ZFP91: variants seen among roughly 807,000 people sequenced by gnomAD.
The protein encoded by ZFP91 is ZFP91 zinc finger protein, atypical E3 ubiquitin ligase.
In ZFP91, 7 loss-of-function variants were observed where a neutral mutation model predicts 63.5. The observed-to-expected ratio is 0.11, with a 90% CI of 0.06 to 0.21. The LOEUF is 0.21. ZFP91 is among the 10% of genes least tolerant of loss of function. The probability of loss-of-function intolerance (pLI) is 1.00; values close to 1 mark genes in which losing one functional copy is unlikely to be tolerated. For missense variants in ZFP91, 628 were observed against 736.6 expected (o/e 0.85, Z 1.71); for synonymous variants, 330 against 272.1 (o/e 1.21, Z -2.10).
chr11:58,599,825 GTGT>G (rs1855464090), intron 2 of ZFP91, among the ~76,000 whole-genome samples: 1 of 151,988 alleles, frequency 6.6e-6, no homozygotes, highest in Non-Finnish European at 1.5e-5. Flanking sequence ...GCTAGCTCCT[GTGT>G]TTAGGTCTTT....
Position 58,621,535 on chromosome 11 carries a change from TTTGC to T in ZFP91, c.*3832_*3835del, listed in dbSNP as rs1855852491. ...CCCATTTATTGTTTACTTTTATAAA[TTTGC>T]TTCTAAGATGGTATGTGTTTCAGCT... On this transcript the variant is annotated 3_prime_UTR_variant, in exon 11 of 11. Coordinates refer to ENST00000316059, the MANE Select transcript of ZFP91 (RefSeq NM_053023.5). Among the ~76,000 whole-genome samples the T allele has an allele frequency of 6.6e-6, 1 of 152,212 alleles. No individual in the cohort carries two copies. The highest frequency in any genetic ancestry group is 1.5e-5 in the Non-Finnish European group (1 of 68,026).
In ZFP91 at chr11:58,584,860, A is replaced by G. The variant is rs1855178124; in HGVS notation, c.346A>G (p.Ile116Val). Residue 116 changes from isoleucine to valine, a missense_variant, in exon 2 of 11, where the codon ATA (isoleucine) becomes GTA (valine). Physicochemically the swap from Ile to Val is conservative, Grantham distance 29 (BLOSUM62 3). Coordinates refer to ENST00000316059, the MANE Select transcript of ZFP91 (RefSeq NM_053023.5). ...TTTGATTCTTATTTCTTTCAGATGC[A>G]TAGAAAAAGTAACAACTGATAAAGG... is the stretch of plus-strand genomic sequence containing the variant. ...QGKKSPRLLC[I>V]EKVTTDKDPK... 1.3e-6 allele frequency: 2 copies of G among 1,530,644 alleles called. No individual in the cohort carries two copies. The highest frequency in any genetic ancestry group is 1.3e-5 in the South Asian group (1 of 75,548). The allele number at this position is 1,530,644 out of a possible 1,614,324, so 94.8% of individuals were successfully genotyped here.
intron 2 of ZFP91, among the ~76,000 whole-genome samples, chr11:58,599,047 C>T (rs954534064): frequency 6.6e-6 from 1 of 152,024 alleles, no homozygotes; most frequent in African/African-American, 2.4e-5. Context: ...TAATTGGAAT[C>T]ATACAATATG....
chr11:58,618,523 T>G lies in ZFP91; in HGVS notation c.*817T>G, dbSNP rs1855791225. On this transcript the variant is annotated 3_prime_UTR_variant, in exon 11 of 11. Coordinates refer to ENST00000316059, the MANE Select transcript of ZFP91 (RefSeq NM_053023.5). ...GGCAGAAATTTGCACTTTGAACATG[T>G]GTGTTTTTGTGTTGTGGAACCTGAG... The G allele has an allele frequency of 2.6e-6, 1 of 382,074 alleles. No individual in the cohort carries two copies. Among genetic ancestry groups the G allele is most frequent in the Non-Finnish European group, 5.1e-6 (1 of 197,064 alleles). The allele number at this position is 382,074 out of a possible 1,614,324, so 23.7% of individuals were successfully genotyped here.
Position 58,614,303 on chromosome 11 carries a change from G to C in ZFP91, c.1062G>C (p.Arg354Ser). 1 of 1,611,942 alleles carries C rather than the reference G, an allele frequency of 6.2e-7. No individual in the cohort carries two copies. The highest frequency in any genetic ancestry group is 1.1e-5 in the South Asian group (1 of 90,674). The part of the protein sequence containing the change: ...CPHPSCGRLF[R>S]LQKQLLRHAK... ...ATCCCTCCTGTGGACGACTCTTCAG[G>C]CTTCAGAAGCAACTTCTGCGACATG... Residue 354 changes from arginine to serine, a missense_variant, in exon 9 of 11, where the codon AGG becomes AGC. Arg to Ser is a moderately radical substitution (Grantham distance 110, BLOSUM62 -1). Transcript: ENST00000316059.
Position 58,617,185 on chromosome 11 carries a change from C to T in ZFP91, c.1203-11C>T, listed in dbSNP as rs749984340. The T allele has an allele frequency of 1.3e-6, 2 of 1,555,258 alleles. No individual in the cohort carries two copies. Among genetic ancestry groups the T allele is most frequent in the Admixed American group, 2.0e-5 (1 of 49,994 alleles). ...TGTTGGATCAGCCATTTCCTTTTCT[C>T]CTCTCCTTAGATGTGAGATCTGTGG... On this transcript the variant is annotated splice_polypyrimidine_tract_variant and intron_variant, in intron 10 of 10. Coordinates refer to ENST00000316059, the MANE Select transcript of ZFP91 (RefSeq NM_053023.5). The surrounding 1 kb of genome is among the most constrained non-coding windows in gnomAD (Gnocchi z 4.2).
chr11:58,612,103 C>G (rs1855674518), intron 6 of ZFP91, 175 bp from the exon 7 acceptor site: 2 of 647,194 alleles, frequency 3.1e-6, no homozygotes, highest in Non-Finnish European at 5.3e-6. Context: ...AGTGAAATTA[C>G]TTCAGGGTAA....
In ZFP91 at chr11:58,617,549, A is replaced by G; in HGVS notation, c.1556A>G (p.Tyr519Cys). ...GAAGCTGAAGGGATGTCAAAGTCATACTGCAGTGGGACGGAACGGGTGAGC... is the reference window on the plus strand; with the variant it reads ...GAAGCTGAAGGGATGTCAAAGTCATGCTGCAGTGGGACGGAACGGGTGAGC... ...LLEAEGMSKS[Y>C]CSGTERVSLM... Residue 519 changes from tyrosine (Y) to cysteine (C), a missense_variant, in exon 11 of 11, where the codon TAC (tyrosine) becomes TGC (cysteine). Coordinates refer to ENST00000316059, the MANE Select transcript of ZFP91 (RefSeq NM_053023.5). The surrounding 1 kb of genome is among the most constrained non-coding windows in gnomAD (Gnocchi z 4.2). 2 of 1,613,776 alleles carry G rather than the reference A, an allele frequency of 1.2e-6. No homozygotes were observed. Among genetic ancestry groups the G allele is most frequent in the Non-Finnish European group, 1.7e-6 (2 of 1,179,916 alleles).
intron 6 of ZFP91, 140 bp from the exon 7 acceptor site, chr11:58,612,138 A>T: frequency 1.2e-6 from 1 of 813,796 alleles, no homozygotes. Flanking sequence ...TTTGCCAGAT[A>T]TATCTTTGAC....
At chr11:58,594,740 A>T (rs1177846509) in intron 2 of ZFP91, among the ~76,000 whole-genome samples, 1 of 152,192 alleles carries the variant, frequency 6.6e-6, no homozygotes, top group East Asian at 1.9e-4. Context: ...ATTAATACAC[A>T]GTGTTGATTT....
rs35724497 is a variant in ZFP91 at position 58,596,702 on chromosome 11, C to CTTT, written c.370+11830_370+11832dup. 7.8e-5 allele frequency among the ~76,000 whole-genome samples: 11 copies of CTTT among 141,436 alleles called. No homozygotes were observed. In the South Asian group the frequency reaches 1.6e-3, roughly 20 times the overall value. The allele number at this position is 141,436 out of a possible 152,430, so 92.8% of individuals were successfully genotyped here. On this transcript the variant is annotated intron_variant, in intron 2 of 10. Transcript: ENST00000316059. ...TTCACCATCACCACCCCACCACCAC[C>CTTT]TTTTTTTTTTTTTTGCCATATTCAC...
chr11:58,584,588 G>A (rs1428010991), intron 1 of ZFP91, among the ~76,000 whole-genome samples: 1 of 152,064 alleles, frequency 6.6e-6, no homozygotes, highest in Non-Finnish European at 1.5e-5. Flanking sequence ...TGTCAGTTAT[G>A]TAGCCACATG....
At chr11:58,581,825 ATTCC>A (rs5792115) in intron 1 of ZFP91, among the ~76,000 whole-genome samples, 22,472 of 152,000 alleles carry the variant, frequency 0.15, 1,844 homozygotes, top group Middle Eastern at 0.2. Flanking sequence ...ACTTAATTAA[ATTCC>A]TTCCTTTTTT....
chr11:58,617,094 G>GTT lies in ZFP91; in HGVS notation c.1203-101_1203-100insTT. The GTT allele has an allele frequency of 9.9e-7, 1 of 1,006,796 alleles. No individual in the cohort carries two copies. 62.4% of individuals were successfully genotyped at this position (1,006,796 alleles called of 1,614,324 possible). On this transcript the variant is annotated intron_variant, in intron 10 of 10. Coordinates refer to ENST00000316059, the MANE Select transcript of ZFP91 (RefSeq NM_053023.5). The surrounding 1 kb of genome is among the most constrained non-coding windows in gnomAD (Gnocchi z 4.2). Reference sequence around the variant, plus strand: ...ATTGTGTGTGTGTGTGTGTGTGTGTGTGTGTATGTATATATATGCTCTAAA... The same window carrying GTT: ...ATTGTGTGTGTGTGTGTGTGTGTGTGTTTGTGTATGTATATATATGCTCTAAA...
intron 2 of ZFP91, among the ~76,000 whole-genome samples, chr11:58,586,575 A>G (rs142533892): frequency 2.0e-4 from 31 of 152,322 alleles, no homozygotes; most frequent in Non-Finnish European, 3.1e-4. Context: ...TCAAATGCCA[A>G]TCTTCATCTC....
In ZFP91 at chr11:58,579,569, C is replaced by T. The variant is rs1419439095; in HGVS notation, c.288C>T (p.Pro96=). The part of the protein sequence containing the change: ...ARPPDVPGQQ[P]QAAKSPSPVQ... ...CTCCCGACGTCCCCGGGCAGCAGCC[C>T]CAGGCCGCGAAGTCCCCGTCTCCAG... Residue 96 remains proline, a synonymous_variant, in exon 1 of 11, where the codon CCC becomes CCT. Transcript: ENST00000316059. The T allele has an allele frequency of 6.3e-7, 1 of 1,585,114 alleles. No homozygotes were observed. The highest frequency in any genetic ancestry group is 2.5e-5 in the East Asian group (1 of 40,404).
At chr11:58,594,349 T>A (rs977732706) in intron 2 of ZFP91, among the ~76,000 whole-genome samples, 1 of 152,224 alleles carries the variant, frequency 6.6e-6, no homozygotes, top group Admixed American at 6.5e-5. Flanking sequence ...ACCATATTTA[T>A]TTAAACTTAA....
At position 58,618,771 on chromosome 11, in the gene ZFP91, C is replaced by T. The variant is rs1045802550; in HGVS notation, c.*1065C>T. On this transcript the variant is annotated 3_prime_UTR_variant, in exon 11 of 11. Coordinates refer to ENST00000316059, the MANE Select transcript of ZFP91 (RefSeq NM_053023.5). ...AGCTGGTCCTCAGCACTAACAAAATCACTACAATAGCCTAGTGCTTTTTTG... is the reference window on the plus strand; with the variant it reads ...AGCTGGTCCTCAGCACTAACAAAATTACTACAATAGCCTAGTGCTTTTTTG... 2.2e-6 allele frequency: 1 copy of T among 449,350 alleles called. No individual in the cohort carries two copies. The highest frequency in any genetic ancestry group is 4.4e-6 in the Non-Finnish European group (1 of 224,780). 27.8% of individuals were successfully genotyped at this position (449,350 alleles called of 1,614,324 possible).
At chr11:58,611,370 T>TG in intron 5 of ZFP91, 1 of 538,442 alleles carries the variant, frequency 1.9e-6, no homozygotes, top group Non-Finnish European at 3.2e-6. Context: ...ACAATTATAG[T>TG]GAAATTTGAT....
Sources: allele counts gnomAD v4.1 joint callset (sites outside exome capture counted in the v4.1 genomes callset), GRCh38; gene constraint gnomAD v4.1.1; non-coding constraint Gnocchi (gnomAD v3.1); transcripts MANE v1.5; gene names NCBI Gene and HGNC (gene_info 2026-07-23, HGNC 2026-07-21).